Variants in MYOF observed in about 807,000 individuals in gnomAD.
The protein encoded by MYOF is myoferlin.
A neutral mutation model predicts 284.2 loss-of-function variants in MYOF; 244 were observed. That is an observed-to-expected ratio of 0.86 (90% CI 0.77 to 0.95). The LOEUF is 0.95. Ranked by LOEUF, MYOF falls within the 40% of genes least tolerant of loss-of-function variation. The pLI is 0.00. For missense variants in MYOF, 2,496 were observed against 2,560.6 expected, an observed-to-expected ratio of 0.97 and a Z score of 0.54; for synonymous variants, 904 against 919.7, an observed-to-expected ratio of 0.98 and a Z score of 0.31.
chr10:93,395,414 G>A (rs1846953534), intron 16 of MYOF, among the ~76,000 whole-genome samples: 1 of 152,214 alleles, frequency 6.6e-6, no homozygotes, highest in African/African-American at 2.4e-5. Context: ...CTGCACTCCA[G>A]CCTGGGTGAC....
chr10:93,325,795 A>T, intron 46 of MYOF, 31 bp downstream of exon 46: 1 of 1,592,666 alleles, frequency 6.3e-7, no homozygotes, highest in Non-Finnish European at 8.5e-7. Context: ...GGGCAGGGAT[A>T]ATGGTCTTCA....
chr10:93,407,451 C>T (rs796263324), intron 7 of MYOF, among the ~76,000 whole-genome samples: 8 of 132,884 alleles, frequency 6.0e-5, no homozygotes, highest in African/African-American at 2.3e-4. Context: ...AAAAAAAAGG[C>T]CGGGTGTGGT....
rs1164408718 is a variant in MYOF at position 93,325,977 on chromosome 10, A to G, written c.5132-12T>C. ...GATTTTGTTGGCTTCTGCAATGGAA[A>G]GCAGCATTGAAGCAGGAATGAGTAT... On this transcript the variant is annotated splice_polypyrimidine_tract_variant and intron_variant, in intron 45 of 53. Transcript: ENST00000359263. 3.7e-6 allele frequency: 6 copies of G among 1,613,862 alleles called. No individual in the cohort carries two copies.
chr10:93,400,331 T>TC (rs1176379506), intron 12 of MYOF, among the ~76,000 whole-genome samples: 32 of 150,486 alleles, frequency 2.1e-4, no homozygotes, highest in African/African-American at 7.6e-4. Context: ...TTCTTCTTCT[T>TC]TTTTTTTTTT....
chr10:93,397,396 G>A lies in MYOF; in HGVS notation c.1282C>T (p.Gln428Ter). 6.2e-7 allele frequency: 1 copy of A among 1,611,334 alleles called. No individual in the cohort carries two copies. Among genetic ancestry groups the A allele is most frequent in the South Asian group, 1.1e-5 (1 of 90,260 alleles). Residue 428 changes from glutamine to a stop codon, truncating the protein, a stop_gained, in exon 14 of 54, where the codon CAG becomes TAG. Coordinates refer to ENST00000359263, the MANE Select transcript of MYOF (RefSeq NM_013451.4). LOFTEE classifies it high-confidence loss of function. ...AGAAAATAAAGTCAAACCTTGATCTGAAGATTGACGACCTGATTCCACTCT... is the reference window on the plus strand; with the variant it reads ...AGAAAATAAAGTCAAACCTTGATCTAAAGATTGACGACCTGATTCCACTCT... ...NPEWNQVVNLQIKFPSVCEKI... is the reference protein window; with the variant it reads ...NPEWNQVVNL
intron 6 of MYOF, 50 bp from the exon 7 acceptor site, chr10:93,408,965 T>A (rs781501931): frequency 1.2e-6 from 2 of 1,609,032 alleles, no homozygotes; most frequent in Non-Finnish European, 1.7e-6. Context: ...GCACGTGGGA[T>A]CCTTAGGATC....
chr10:93,307,119 G>A (rs1434173794), intron 53 of MYOF, 118 bp from the exon 54 acceptor site: 1 of 934,224 alleles, frequency 1.1e-6, no homozygotes, highest in Non-Finnish European at 1.6e-6. Context: ...TTTCTTGTTG[G>A]GGAGTGTCCT....
intron 22 of MYOF, among the ~76,000 whole-genome samples, chr10:93,375,639 T>G (rs1845804201): frequency 6.6e-6 from 1 of 152,220 alleles, no homozygotes; most frequent in Non-Finnish European, 1.5e-5. Flanking sequence ...GGAAATGAGT[T>G]GCTGTATGGA....
intron 5 of MYOF, among the ~76,000 whole-genome samples, chr10:93,410,962 A>C (rs778453621): frequency 6.6e-6 from 1 of 152,196 alleles, no homozygotes; most frequent in Admixed American, 6.5e-5. Context: ...CTTTCGAGCT[A>C]TGTGAGTCTG....
At chr10:93,456,606 C>G (rs940119738) in intron 2 of MYOF, among the ~76,000 whole-genome samples, 26 of 152,200 alleles carry the variant, frequency 1.7e-4, no homozygotes, top group Admixed American at 7.9e-4. Flanking sequence ...GGACCAAGCT[C>G]ACACAGCAAG....
intron 43 of MYOF, among the ~76,000 whole-genome samples, chr10:93,330,448 A>G (rs1843247497): frequency 6.6e-6 from 1 of 152,112 alleles, no homozygotes; most frequent in Non-Finnish European, 1.5e-5. Context: ...CTCACCCCAC[A>G]GAAGCACAGG....
chr10:93,422,092 G>T (rs1564705006), intron 5 of MYOF, among the ~76,000 whole-genome samples: 4 of 152,096 alleles, frequency 2.6e-5, no homozygotes, highest in South Asian at 2.1e-4. Context: ...TTGTAATAAA[G>T]AAATTTCACA....
In MYOF at chr10:93,333,757, C is replaced by T; in HGVS notation, c.4719+1G>A. On this transcript the variant is annotated splice_donor_variant, in intron 42 of 53. Coordinates refer to ENST00000359263, the MANE Select transcript of MYOF (RefSeq NM_013451.4). LOFTEE classifies it high-confidence loss of function. ...AGAAGGCCCCACACCCAAACTCTTA[C>T]CAGGCCATTGTTGTCCTGGGGCTGG... 1.9e-6 allele frequency: 3 copies of T among 1,613,936 alleles called. No homozygotes were observed. Among genetic ancestry groups the T allele is most frequent in the South Asian group, 2.2e-5 (2 of 91,062 alleles).
chr10:93,409,455 CT>C, intron 6 of MYOF, 117 bp downstream of exon 6: 1 of 1,239,546 alleles, frequency 8.1e-7, no homozygotes, highest in Non-Finnish European at 1.1e-6. Flanking sequence ...ACTGACATCT[CT>C]CTTTACCGGT....
chr10:93,312,571 G>A (rs1336299559), intron 51 of MYOF, among the ~76,000 whole-genome samples: 4 of 151,810 alleles, frequency 2.6e-5, no homozygotes, highest in Non-Finnish European at 4.4e-5. Flanking sequence ...CGTTGGCCAG[G>A]CTGGTCTCGA....
chr10:93,394,104 A>G (rs1424293154), intron 16 of MYOF, among the ~76,000 whole-genome samples: 1 of 151,982 alleles, frequency 6.6e-6, no homozygotes, highest in African/African-American at 2.4e-5. Context: ...TTGTTTATTC[A>G]TTCATTTATT....
At position 93,307,057 on chromosome 10, in the gene MYOF, G is replaced by T. The variant is rs1276647143; in HGVS notation, c.6148-56C>A. 3.4e-6 allele frequency: 5 copies of T among 1,483,860 alleles called. No individual in the cohort carries two copies. In the African/African-American group the frequency reaches 5.6e-5, roughly 17 times the overall value. The allele number at this position is 1,483,860 out of a possible 1,614,324, so 91.9% of individuals were successfully genotyped here. On this transcript the variant is annotated intron_variant, in intron 53 of 53. Transcript: ENST00000359263. ...AACATGTATGTATATATGTTTTTCAGTTAGGGTTTCTCAATCTTGAGAAAA... is the reference window on the plus strand; with the variant it reads ...AACATGTATGTATATATGTTTTTCATTTAGGGTTTCTCAATCTTGAGAAAA...
At chr10:93,318,257 C>CA (rs1842703212) in intron 49 of MYOF, among the ~76,000 whole-genome samples, 2 of 151,644 alleles carry the variant, frequency 1.3e-5, no homozygotes, top group Non-Finnish European at 2.9e-5. Flanking sequence ...CTTATCTCTA[C>CA]AAAAAATACA....
chr10:93,397,152 A>C (rs936831952), intron 15 of MYOF, 95 bp downstream of exon 15: 1 of 1,137,808 alleles, frequency 8.8e-7, no homozygotes, highest in East Asian at 2.6e-5. Flanking sequence ...CTGGAAGGAA[A>C]GCAAAATACC....
Sources: gnomAD v4.1 joint callset for allele counts (sites outside exome capture counted in the v4.1 genomes callset) on GRCh38, gnomAD v4.1.1 for gene constraint, MANE v1.5 for transcripts, NCBI Gene and HGNC (gene_info 2026-07-23, HGNC 2026-07-21) for gene names.